VPS26C: variants seen among roughly 807,000 people sequenced by gnomAD.
The protein encoded by VPS26C is vacuolar protein sorting-associated protein 26C.
Under a neutral mutation model 30.6 loss-of-function variants are expected in VPS26C, and 19 were observed. That is an observed-to-expected ratio of 0.62 (90% CI 0.43 to 0.91). The LOEUF is 0.91. VPS26C is among the 40% of genes least tolerant of loss of function. VPS26C has a pLI of 0.00. For missense variants in VPS26C, 318 were observed against 385.1 expected, an observed-to-expected ratio of 0.83 and a Z score of 1.46; for synonymous variants, 132 against 151.5, an observed-to-expected ratio of 0.87 and a Z score of 0.95.
chr21:37,258,933 G>A (rs2148308414), intron 1 of VPS26C, among the ~76,000 whole-genome samples: 1 of 152,276 alleles, frequency 6.6e-6, no homozygotes, highest in Middle Eastern at 3.4e-3. Flanking sequence ...GGATAATTCT[G>A]AAAATGCTTC....
chr21:37,266,853 G>T, intron 1 of VPS26C: 1 of 328,784 alleles, frequency 3.0e-6, no homozygotes, highest in Non-Finnish European at 5.7e-6. Flanking sequence ...GTCACCTTAG[G>T]AGAGAGGGAA....
At chr21:37,242,186 T>TA (rs1408153291) in intron 1 of VPS26C, among the ~76,000 whole-genome samples, 1 of 152,266 alleles carries the variant, frequency 6.6e-6, no homozygotes, top group Non-Finnish European at 1.5e-5. Flanking sequence ...TTAATGTTCC[T>TA]AAAAAATTCC....
upstream of VPS26C, chr21:37,267,401 G>T: frequency 1.0e-6 from 1 of 1,002,764 alleles, no homozygotes; most frequent in Non-Finnish European, 1.5e-6. Flanking sequence ...CTCTCTGCCG[G>T]CAGTGGCTCA....
chr21:37,232,696 C>T, intron 4 of VPS26C: 1 of 579,690 alleles, frequency 1.7e-6, no homozygotes, highest in Non-Finnish European at 3.1e-6. Context: ...CTTTCAGATT[C>T]AGAATTTTAA....
At chr21:37,266,420 G>C (rs1457455850) in intron 1 of VPS26C, among the ~76,000 whole-genome samples, 1 of 152,150 alleles carries the variant, frequency 6.6e-6, no homozygotes, top group South Asian at 2.1e-4. Flanking sequence ...TGTTGGGGCT[G>C]TGATTTCAAC....
chr21:37,240,678 C>A (rs2148292729), intron 1 of VPS26C, 39 bp from the exon 2 acceptor site: 2 of 1,602,894 alleles, frequency 1.2e-6, no homozygotes, highest in East Asian at 2.2e-5. Flanking sequence ...AATTAGCATG[C>A]TTCCTCCATT....
chr21:37,258,679 TC>T (rs1353516668), intron 1 of VPS26C, among the ~76,000 whole-genome samples: 1 of 152,192 alleles, frequency 6.6e-6, no homozygotes, highest in Non-Finnish European at 1.5e-5. Flanking sequence ...CACCGGGGAC[TC>T]GGCATTAGGA....
intron 1 of VPS26C, among the ~76,000 whole-genome samples, chr21:37,247,160 C>G (rs963440622): frequency 2.0e-5 from 3 of 152,160 alleles, no homozygotes; most frequent in African/African-American, 7.2e-5. Context: ...TTAATAGCCA[C>G]ACTATGGCCA....
intron 3 of VPS26C, among the ~76,000 whole-genome samples, chr21:37,237,205 T>C (rs2086034749): frequency 6.6e-6 from 1 of 152,230 alleles, no homozygotes; most frequent in Non-Finnish European, 1.5e-5. Flanking sequence ...ACGCAGGAGT[T>C]AACAAATATG....
chr21:37,236,577 A>C (rs1160735657), intron 3 of VPS26C, among the ~76,000 whole-genome samples: 1 of 152,216 alleles, frequency 6.6e-6, no homozygotes, highest in Non-Finnish European at 1.5e-5. Context: ...TTTGAGATGA[A>C]GTATCAAGAC....
At chr21:37,253,829 G>A (rs190970475) in intron 1 of VPS26C, among the ~76,000 whole-genome samples, 4 of 152,158 alleles carry the variant, frequency 2.6e-5, no homozygotes, top group East Asian at 1.9e-4. Flanking sequence ...GGAGCATTTC[G>A]GATTCTGGAT....
At chr21:37,256,908 A>C (rs1233294614) in intron 1 of VPS26C, among the ~76,000 whole-genome samples, 3 of 152,216 alleles carry the variant, frequency 2.0e-5, no homozygotes, top group African/African-American at 7.2e-5. Context: ...GGCTGAGACC[A>C]GAAGATCGCT....
chr21:37,228,863 C>A, intron 5 of VPS26C: 1 of 154,186 alleles, frequency 6.5e-6, no homozygotes, highest in South Asian at 2.0e-4. Flanking sequence ...AAGACCCCAT[C>A]TCTAAAAAAT....
In VPS26C at chr21:37,226,939, T is replaced by C. The variant is rs1391399546; in HGVS notation, c.811+715A>G. On this transcript the variant is annotated intron_variant, in intron 7 of 7. Coordinates refer to ENST00000309117, the MANE Select transcript of VPS26C (RefSeq NM_006052.2). The surrounding 1 kb of genome is among the most constrained non-coding windows in gnomAD (Gnocchi z 4.1). ...GATCTCCCAATTAACATGATTCTTA[T>C]TAAGATGGAGGTCCCATTACAATAT... is the stretch of plus-strand genomic sequence containing the variant. 1 of 152,220 alleles carries C rather than the reference T, an allele frequency of 6.6e-6. No homozygotes were observed. Among genetic ancestry groups the C allele is most frequent in the Non-Finnish European group, 1.5e-5 (1 of 68,036 alleles). The allele number at this position is 152,220 out of a possible 1,614,324, so 9.4% of individuals were successfully genotyped here.
Position 37,267,225 on chromosome 21 carries a change from A to AC in VPS26C, c.57+12_57+13insG. ...CAACCCCACCTCCATCCCCACCCCCAGCCCCCACTTACCCCGGCGTGATAA... is the reference window on the plus strand; with the variant it reads ...CAACCCCACCTCCATCCCCACCCCCACGCCCCCACTTACCCCGGCGTGATAA... On this transcript the variant is annotated intron_variant, in intron 1 of 7. Transcript: ENST00000309117. 1 of 205,882 alleles carries AC rather than the reference A, an allele frequency of 4.9e-6. No homozygotes were observed. Among genetic ancestry groups the AC allele is most frequent in the Non-Finnish European group, 8.9e-6 (1 of 112,246 alleles). 12.8% of individuals were successfully genotyped at this position (205,882 alleles called of 1,614,324 possible). A position where few individuals can be genotyped will look rare whatever the true frequency, so the allele number is the denominator to read the frequency against.
chr21:37,243,995 G>A (rs1244535133), intron 1 of VPS26C, among the ~76,000 whole-genome samples: 2 of 152,132 alleles, frequency 1.3e-5, no homozygotes, highest in Non-Finnish European at 2.9e-5. Flanking sequence ...TGCTTTAGAT[G>A]GACAGAGGCC....
rs1285970125 is a variant in VPS26C, at chr21:37,223,597, C to T, written c.*1947G>A. 6.6e-6 allele frequency: 1 copy of T among 152,228 alleles called. No individual in the cohort carries two copies. The allele number at this position is 152,228 out of a possible 1,614,324, so 9.4% of individuals were successfully genotyped here. The stretch of plus-strand genomic sequence containing the variant: ...TCTGTTTTCTGCTACTCAGTTTAAA[C>T]ACATCATCAAGGATAGATAATTAAT... On this transcript the variant is annotated 3_prime_UTR_variant, in exon 8 of 8. Transcript: ENST00000309117.
chr21:37,250,295 A>G (rs936248730), intron 1 of VPS26C, among the ~76,000 whole-genome samples: 2 of 151,128 alleles, frequency 1.3e-5, no homozygotes, highest in African/African-American at 4.9e-5. Context: ...ATAGAGTAAG[A>G]CTCTCTCTTA....
At chr21:37,236,436 C>T (rs8131809) in intron 3 of VPS26C, among the ~76,000 whole-genome samples, 6,923 of 152,134 alleles carry the variant, frequency 0.046, 301 homozygotes, top group East Asian at 0.23. Context: ...TCTCAAAAGA[C>T]GACAAATTTT....
Sources: gnomAD v4.1 joint callset for allele counts (sites outside exome capture counted in the v4.1 genomes callset) on GRCh38, gnomAD v4.1.1 for gene constraint, Gnocchi (gnomAD v3.1) non-coding constraint, MANE v1.5 for transcripts, NCBI Gene and HGNC (gene_info 2026-07-23, HGNC 2026-07-21) for gene names.